CLASRP: variants seen among roughly 807,000 people sequenced by gnomAD.
CLASRP encodes the protein CLK4-associating serine/arginine rich protein.
A neutral mutation model predicts 99.9 loss-of-function variants in CLASRP; 52 were observed. The ratio of observed to expected loss-of-function variants is 0.52; its 90% CI spans 0.42 to 0.66. CLASRP has a LOEUF of 0.66. CLASRP is among the 30% of genes least tolerant of loss of function. CLASRP has a pLI of 0.00. For synonymous variants in CLASRP, 379 were observed against 373.0 expected (o/e 1.02, Z -0.18); for missense variants, 848 against 999.2 (o/e 0.85, Z 2.04).
Position 45,070,884 on chromosome 19 carries a change from A to G in CLASRP, c.*39A>G, listed in dbSNP as rs112149263. The G allele has an allele frequency of 3.7e-5, 44 of 1,185,980 alleles. No individual in the cohort carries two copies. In the African/African-American group the frequency reaches 4.7e-4, roughly 13 times the overall value. The allele number at this position is 1,185,980 out of a possible 1,614,324, so 73.5% of individuals were successfully genotyped here. A position where few individuals can be genotyped will look rare whatever the true frequency, so the allele number is the denominator to read the frequency against. On this transcript the variant is annotated 3_prime_UTR_variant, in exon 21 of 21. Transcript: ENST00000221455. ...GGGTGGGGAGGACAAGGGGGTGGGT[A>G]AGGGGCTCAAGCTGTGATGCTGCTG...
Position 45,068,983 on chromosome 19 carries a change from C to CT in CLASRP, c.1769-82dup, listed in dbSNP as rs372716001. On this transcript the variant is annotated intron_variant, in intron 16 of 20. Coordinates refer to ENST00000221455, the MANE Select transcript of CLASRP (RefSeq NM_007056.3). Reference sequence around the variant, plus strand: ...CCAGCCTGGGCGACAGAGCGAGACTCTGTCTCAAAAAAAAAAAAAAAGAAA... The same window carrying CT: ...CCAGCCTGGGCGACAGAGCGAGACTCTTGTCTCAAAAAAAAAAAAAAAGAAA... 1,933 of 1,237,962 alleles carry CT rather than the reference C, an allele frequency of 1.6e-3. 24 individuals are homozygous for CT. The African/African-American group carries it at 0.026, about 17-fold the overall frequency. The allele number at this position is 1,237,962 out of a possible 1,614,324, so 76.7% of individuals were successfully genotyped here. A position where few individuals can be genotyped will look rare whatever the true frequency, so the allele number is the denominator to read the frequency against.
At chr19:45,064,745 C>A in intron 13 of CLASRP, 115 bp downstream of exon 13, 10 of 1,436,874 alleles carry the variant, frequency 7.0e-6, no homozygotes, top group Non-Finnish European at 9.1e-6. Context: ...AACACCCCAT[C>A]TAAGGGGACA....
rs527367247 is a variant in CLASRP, at chr19:45,042,511, T to TTATA, written c.99+2214_99+2217dup. On this transcript the variant is annotated intron_variant, in intron 2 of 20. Coordinates refer to ENST00000221455, the MANE Select transcript of CLASRP (RefSeq NM_007056.3). ...TGAGACTCCATCTCAAAAAAAAAAT[T>TTATA]TATATATATATATATATGTGTGTGT... Among the ~76,000 whole-genome samples the TTATA allele has an allele frequency of 6.5e-3, 970 of 148,596 alleles. 9 individuals are homozygous for TTATA. The highest frequency in any genetic ancestry group is 0.023 in the African/African-American group (937 of 40,560).
intron 2 of CLASRP, among the ~76,000 whole-genome samples, chr19:45,046,997 A>G (rs1401731941): frequency 6.6e-6 from 1 of 152,180 alleles, no homozygotes; most frequent in Non-Finnish European, 1.5e-5. Context: ...ATTGCAGCCC[A>G]GCCTGGACAA....
chr19:45,056,679 C>G, intron 6 of CLASRP, 145 bp downstream of exon 6: 1 of 694,438 alleles, frequency 1.4e-6, no homozygotes, highest in South Asian at 1.8e-5. Flanking sequence ...CAATTAATAA[C>G]TGTGTAGAGG....
Position 45,068,550 on chromosome 19 carries a change from C to G in CLASRP, c.1768+70C>G, listed in dbSNP as rs886929498. 4 of 1,191,860 alleles carry G rather than the reference C, an allele frequency of 3.4e-6. No homozygotes were observed. In the African/African-American group the frequency reaches 6.0e-5, roughly 18 times the overall value. 73.8% of individuals were successfully genotyped at this position (1,191,860 alleles called of 1,614,324 possible). On this transcript the variant is annotated intron_variant, in intron 16 of 20. Transcript: ENST00000221455. ...CCTTGGCAGTGGGAGCAAGGAGACT[C>G]AGCACCACTTTGGGAGGCCTGGCCC...
chr19:45,059,646 C>T (rs940665144), intron 8 of CLASRP, among the ~76,000 whole-genome samples: 1 of 152,276 alleles, frequency 6.6e-6, no homozygotes, highest in South Asian at 2.1e-4. Flanking sequence ...TGGGGGACAG[C>T]GCCCTCTAGT....
At position 45,056,415 on chromosome 19, in the gene CLASRP, A is replaced by T. The variant is rs371586386; in HGVS notation, c.380-35A>T. ...CCCCACTGAATTCCTAGTGTCCCCA[A>T]CCCACTCTGACCTGGGGTCTCTTGT... is the stretch of plus-strand genomic sequence containing the variant. On this transcript the variant is annotated intron_variant, in intron 5 of 20. Coordinates refer to ENST00000221455, the MANE Select transcript of CLASRP (RefSeq NM_007056.3). The T allele has an allele frequency of 1.9e-6, 3 of 1,594,618 alleles. No individual in the cohort carries two copies. In the Admixed American group the frequency reaches 5.0e-5, roughly 27 times the overall value.
At chr19:45,053,519 C>T (rs1320471526) in intron 5 of CLASRP, among the ~76,000 whole-genome samples, 2 of 152,112 alleles carry the variant, frequency 1.3e-5, no homozygotes, top group Non-Finnish European at 2.9e-5. Context: ...GTTCTTGTTG[C>T]CCAGGCTGGA....
At chr19:45,058,039 C>A in intron 7 of CLASRP, 141 bp downstream of exon 7, 1 of 1,003,882 alleles carries the variant, frequency 1.0e-6, no homozygotes, top group Non-Finnish European at 1.5e-6. Context: ...CAGCCTCCTG[C>A]TGCCCCTGTC....
Position 45,070,026 on chromosome 19 carries a change from CGGGAACGCCGAGAGAAGGAGA to C in CLASRP, c.1881_1901del (p.Arg629_Glu635del). Reference sequence around the variant, plus strand: ...GCTCATGCCATGCCTTCGCAGGGAGCGGGAACGCCGAGAGAAGGAGAGAGAAGAGTGGGAACGCCAGTACAG... The same window carrying C: ...GCTCATGCCATGCCTTCGCAGGGAGCGAGAAGAGTGGGAACGCCAGTACAG... On this transcript the variant is annotated inframe_deletion, in exon 19 of 21. Coordinates refer to ENST00000221455, the MANE Select transcript of CLASRP (RefSeq NM_007056.3). 1 of 1,591,656 alleles carries C rather than the reference CGGGAACGCCGAGAGAAGGAGA, an allele frequency of 6.3e-7. No individual in the cohort carries two copies.
chr19:45,043,239 C>A (rs1389832771), intron 2 of CLASRP, among the ~76,000 whole-genome samples: 1 of 85,330 alleles, frequency 1.2e-5, no homozygotes, highest in East Asian at 3.0e-4. Context: ...GTGTGTGTCC[C>A]GTCTCTACTA....
intron 2 of CLASRP, among the ~76,000 whole-genome samples, chr19:45,050,963 C>T (rs1431615948): frequency 1.3e-5 from 2 of 152,048 alleles, no homozygotes; most frequent in African/African-American, 2.4e-5. Context: ...AGGTGATCCG[C>T]CTGCCTCGGC....
At chr19:45,069,848 C>A in intron 18 of CLASRP, 174 bp from the exon 19 acceptor site, 1 of 581,280 alleles carries the variant, frequency 1.7e-6, no homozygotes, top group Non-Finnish European at 3.1e-6. Flanking sequence ...CCAGTCAGCC[C>A]CGCCAGCTGG....
At position 45,040,436 on chromosome 19, in the gene CLASRP, C is replaced by A. The variant is rs905282266; in HGVS notation, c.99+125C>A. 6.3e-6 allele frequency: 4 copies of A among 633,328 alleles called. No homozygotes were observed. The African/African-American group carries it at 7.4e-5, about 12-fold the overall frequency. The allele number at this position is 633,328 out of a possible 1,614,324, so 39.2% of individuals were successfully genotyped here. A position where few individuals can be genotyped will look rare whatever the true frequency, so the allele number is the denominator to read the frequency against. ...AGGCTCATTTCCTCAGGAGTATATT[C>A]ATTAATCTTTTCTTGAGGATAATCA... is the stretch of plus-strand genomic sequence containing the variant. On this transcript the variant is annotated intron_variant, in intron 2 of 20. Transcript: ENST00000221455.
At chr19:45,052,970 C>T in intron 4 of CLASRP, 78 bp downstream of exon 4, 1 of 1,520,894 alleles carries the variant, frequency 6.6e-7, no homozygotes, top group Non-Finnish European at 9.0e-7. Context: ...CTACCTGTCA[C>T]CTTCCTAGGA....
chr19:45,062,534 G>C (rs1966964297), intron 11 of CLASRP, among the ~76,000 whole-genome samples: 1 of 152,068 alleles, frequency 6.6e-6, no homozygotes, highest in South Asian at 2.1e-4. Flanking sequence ...CCCGCCACCA[G>C]GCCTGGCTAA....
At chr19:45,057,512 C>T (rs1224837633) in intron 6 of CLASRP, among the ~76,000 whole-genome samples, 1 of 152,152 alleles carries the variant, frequency 6.6e-6, no homozygotes, top group Non-Finnish European at 1.5e-5. Flanking sequence ...GGCTGGGGAG[C>T]TCAGGACAGT....
intron 6 of CLASRP, among the ~76,000 whole-genome samples, chr19:45,056,752 A>G (rs1271668447): frequency 6.6e-6 from 1 of 152,174 alleles, no homozygotes; most frequent in East Asian, 1.9e-4. Flanking sequence ...CAGCTTGGGA[A>G]GTGGTGGGAG....
Sources: gnomAD v4.1 joint callset for allele counts (sites outside exome capture counted in the v4.1 genomes callset) on GRCh38, gnomAD v4.1.1 for gene constraint, MANE v1.5 for transcripts, NCBI Gene and HGNC (gene_info 2026-07-23, HGNC 2026-07-21) for gene names.